PLXNA4: variants seen among roughly 807,000 people sequenced by gnomAD.
The protein encoded by PLXNA4 is plexin-A4.
In PLXNA4, 44 loss-of-function variants were observed where a neutral mutation model predicts 191.8. The observed-to-expected ratio is 0.23, with a 90% CI of 0.18 to 0.29. The LOEUF (loss-of-function observed/expected upper bound fraction) is 0.29, where lower values mean the gene tolerates loss of function less well. PLXNA4 is among the 10% of genes least tolerant of loss of function. The probability of loss-of-function intolerance (pLI) is 1.00; values close to 1 mark genes in which losing one functional copy is unlikely to be tolerated. For synonymous variants in PLXNA4, 1,082 were observed against 1,009.5 expected (o/e 1.07, Z -1.36); for missense variants, 1,800 against 2,488.8 (o/e 0.72, Z 5.89).
chr7:132,298,125 T>C lies in PLXNA4; in HGVS notation c.1469A>G (p.Asp490Gly). 1 of 1,614,224 alleles carries C rather than the reference T, an allele frequency of 6.2e-7. No homozygotes were observed. Among genetic ancestry groups the C allele is most frequent in the South Asian group, 1.1e-5 (1 of 91,088 alleles). ...TGACATGATGTAGAGTTGCTCGTGG[T>C]CCTTGGAGAAGGCCATATCCCGGAG... ...PVLRDMAFSK[D>G]HEQLYIMSER... Residue 490 changes from aspartate to glycine, a missense_variant, in exon 4 of 32, where the codon GAC becomes GGC. This residue lies in a region of PLXNA4 where 1,397 missense variants were observed against 1,880.4 expected (regional missense o/e 0.74). Coordinates refer to ENST00000321063, the MANE Select transcript of PLXNA4 (RefSeq NM_020911.2).
chr7:132,625,712 A>C (rs940616794), intron 2 of PLXNA4, among the ~76,000 whole-genome samples: 2 of 152,202 alleles, frequency 1.3e-5, no homozygotes, highest in Non-Finnish European at 2.9e-5. Flanking sequence ...TCATACTATC[A>C]CTGCAAAAGA....
intron 3 of PLXNA4, among the ~76,000 whole-genome samples, chr7:132,409,026 A>G (rs1794342641): frequency 6.6e-6 from 1 of 152,172 alleles, no homozygotes; most frequent in South Asian, 2.1e-4. Context: ...CTATGCTACA[A>G]GTAAAACACT....
At chr7:132,455,943 G>T (rs1331378887) in intron 3 of PLXNA4, among the ~76,000 whole-genome samples, 1 of 152,202 alleles carries the variant, frequency 6.6e-6, no homozygotes, top group East Asian at 1.9e-4. Flanking sequence ...ATGCAGGTGA[G>T]GCCAGCCTTC....
chr7:132,264,684 CTTTTTT>C (rs56218905), intron 4 of PLXNA4, among the ~76,000 whole-genome samples: 2 of 130,324 alleles, frequency 1.5e-5, no homozygotes, highest in East Asian at 4.5e-4. Flanking sequence ...GTCCTCCCCG[CTTTTTT>C]TTTTTTTTTT....
intron 4 of PLXNA4, among the ~76,000 whole-genome samples, chr7:132,263,501 C>A (rs1208490549): frequency 6.6e-6 from 1 of 152,188 alleles, no homozygotes; most frequent in Non-Finnish European, 1.5e-5. Context: ...GGGTAAGAAA[C>A]CCTACCTGGG....
intron 3 of PLXNA4, among the ~76,000 whole-genome samples, chr7:132,488,928 C>G (rs531046848): frequency 6.6e-6 from 1 of 152,350 alleles, no homozygotes; most frequent in Admixed American, 6.5e-5. Context: ...ACAGGCATGT[C>G]CCTTCCCCCT....
chr7:132,193,337 G>C (rs1360136007), intron 14 of PLXNA4, among the ~76,000 whole-genome samples: 2 of 152,148 alleles, frequency 1.3e-5, no homozygotes, highest in African/African-American at 4.8e-5. Flanking sequence ...GCCAGATGTA[G>C]CCCCTAGATC....
chr7:132,203,821 G>A (rs1797523676), intron 10 of PLXNA4, among the ~76,000 whole-genome samples: 1 of 152,158 alleles, frequency 6.6e-6, no homozygotes, highest in African/African-American at 2.4e-5. Flanking sequence ...GGGAAACCCT[G>A]GTCCCTAGGC....
At chr7:132,216,589 A>C (rs1193353013) in intron 9 of PLXNA4, among the ~76,000 whole-genome samples, 2 of 152,226 alleles carry the variant, frequency 1.3e-5, no homozygotes, top group African/African-American at 4.8e-5. Context: ...ACTTGGTACA[A>C]GCATTCAATT....
In PLXNA4 at chr7:132,220,478, G is replaced by A. The variant is rs1191462073; in HGVS notation, c.2097+3049C>T. 3.3e-5 allele frequency among the ~76,000 whole-genome samples: 5 copies of A among 152,158 alleles called. No individual in the cohort carries two copies. The South Asian group carries it at 6.2e-4, about 19-fold the overall frequency. On this transcript the variant is annotated intron_variant, in intron 9 of 31. Coordinates refer to ENST00000321063, the MANE Select transcript of PLXNA4 (RefSeq NM_020911.2). ...TCCATGTGATAAGGGAGGCATGGGC[G>A]ATTCCAAACTACCCCAGAGCCCCTC...
chr7:132,273,272 A>G (rs578162320), intron 4 of PLXNA4, among the ~76,000 whole-genome samples: 26 of 152,150 alleles, frequency 1.7e-4, no homozygotes, highest in African/African-American at 4.6e-4. Context: ...CTCACACTGG[A>G]AACTCTTTGT....
At chr7:132,154,332 C>G (rs538641041) in intron 25 of PLXNA4, among the ~76,000 whole-genome samples, 1 of 152,076 alleles carries the variant, frequency 6.6e-6, no homozygotes, top group Admixed American at 6.5e-5. Context: ...CTGGGAGAGC[C>G]AAGAGAAGAT....
intron 28 of PLXNA4, among the ~76,000 whole-genome samples, chr7:132,146,288 G>A (rs1195311713): frequency 6.6e-6 from 1 of 152,076 alleles, no homozygotes; most frequent in Non-Finnish European, 1.5e-5. Flanking sequence ...TCTTCAGATT[G>A]CATGCCAACA....
intron 4 of PLXNA4, among the ~76,000 whole-genome samples, chr7:132,284,746 T>C (rs1197766154): frequency 2.0e-5 from 3 of 152,200 alleles, no homozygotes; most frequent in Non-Finnish European, 4.4e-5. Context: ...AGTTTATGAA[T>C]GATGGAAGAA....
chr7:132,633,574 C>T (rs1803535447), intron 2 of PLXNA4, among the ~76,000 whole-genome samples: 2 of 152,206 alleles, frequency 1.3e-5, no homozygotes. Context: ...AGCCACCACC[C>T]CCCACCAAGG....
At chr7:132,280,121 G>A (rs934945738) in intron 4 of PLXNA4, among the ~76,000 whole-genome samples, 5 of 152,074 alleles carry the variant, frequency 3.3e-5, no homozygotes, top group Admixed American at 3.3e-4. Context: ...TTGATTTCAT[G>A]ACCCACTAAA....
chr7:132,501,171 A>G (rs1798234414), intron 2 of PLXNA4, among the ~76,000 whole-genome samples: 1 of 152,222 alleles, frequency 6.6e-6, no homozygotes, highest in Admixed American at 6.5e-5. Context: ...AGAACAAGTC[A>G]CAGAAATAGG....
intron 2 of PLXNA4, among the ~76,000 whole-genome samples, chr7:132,638,533 T>A (rs376261411): frequency 2.0e-5 from 3 of 152,180 alleles, no homozygotes; most frequent in Non-Finnish European, 4.4e-5. Context: ...GTGCCTGTAA[T>A]CCCAGCTACT....
intron 2 of PLXNA4, among the ~76,000 whole-genome samples, chr7:132,624,347 C>CATA (rs1294463313): frequency 6.6e-6 from 1 of 152,178 alleles, no homozygotes; most frequent in African/African-American, 2.4e-5. Context: ...AGTCCCTGGC[C>CATA]ATAAGCACAT....
Sources: allele counts gnomAD v4.1 joint callset (sites outside exome capture counted in the v4.1 genomes callset), GRCh38; gene constraint gnomAD v4.1.1; regional missense constraint gnomAD v4.1.1; transcripts MANE v1.5; gene names NCBI Gene and HGNC (gene_info 2026-07-23, HGNC 2026-07-21).